The following HDAC2 variants were observed in gnomAD, a reference collection of about 807,000 sequenced individuals.
HDAC2 encodes the protein YY1-associated factor 1.
HDAC2 carries 5 observed loss-of-function variants against 68.5 expected under a neutral mutation model. The observed-to-expected ratio is 0.07, with a 90% CI of 0.04 to 0.15. HDAC2 has a LOEUF of 0.15. Among genes scored for constraint, HDAC2 ranks in the 10% least tolerant of loss-of-function variants. The pLI is 1.00. For synonymous variants in HDAC2, 182 were observed against 191.3 expected (o/e 0.95, Z 0.40); for missense variants, 291 against 600.8 (o/e 0.48, Z 5.39).
intron 12 of HDAC2, among the ~76,000 whole-genome samples, 196 bp from the exon 13 acceptor site, chr6:113,941,961 G>A (rs1327737055): frequency 1.3e-5 from 2 of 151,918 alleles, no homozygotes; most frequent in African/African-American, 4.8e-5. Context: ...CACTGGATTG[G>A]GGTGCAGAGG....
chr6:113,960,289 A>G (rs573100179), intron 1 of HDAC2, among the ~76,000 whole-genome samples: 2 of 152,060 alleles, frequency 1.3e-5, no homozygotes, highest in South Asian at 4.1e-4. Flanking sequence ...GCTACCCCCA[A>G]TTTTTAAAAT....
intron 3 of HDAC2, among the ~76,000 whole-genome samples, chr6:113,957,562 A>G (rs1776584967): frequency 6.6e-6 from 1 of 151,918 alleles, no homozygotes; most frequent in Admixed American, 6.6e-5. Flanking sequence ...GCTCACTGCA[A>G]CCTCCACCTC....
chr6:113,951,212 A>G (rs184710728), intron 6 of HDAC2, among the ~76,000 whole-genome samples: 41 of 152,278 alleles, frequency 2.7e-4, no homozygotes, highest in African/African-American at 8.7e-4. Context: ...TTCTTCCACT[A>G]GACTACTTGA....
rs1460503716 is a variant in HDAC2, at chr6:113,948,043, T to G, written c.841+936A>C. The G allele has an allele frequency of 2.0e-5, 3 of 152,154 alleles. No individual in the cohort carries two copies. The East Asian group carries it at 5.8e-4, about 29-fold the overall frequency. 9.4% of individuals were successfully genotyped at this position (152,154 alleles called of 1,614,324 possible). A position where few individuals can be genotyped will look rare whatever the true frequency, so the allele number is the denominator to read the frequency against. On this transcript the variant is annotated intron_variant, in intron 8 of 13. Transcript: ENST00000519065. Reference sequence around the variant, plus strand: ...TCTAATCTACATATACATTATAATATCTTATTAAATAAAATTTCAGATTTA... The same window carrying G: ...TCTAATCTACATATACATTATAATAGCTTATTAAATAAAATTTCAGATTTA...
At position 113,958,690 on chromosome 6, in the gene HDAC2, C is replaced by T. The variant is rs1334482992; in HGVS notation, c.242G>A (p.Arg81Lys). The T allele has an allele frequency of 6.2e-7, 1 of 1,606,500 alleles. No individual in the cohort carries two copies. Among genetic ancestry groups the T allele is most frequent in the Non-Finnish European group, 8.5e-7 (1 of 1,174,456 alleles). Residue 81 changes from arginine (R) to lysine (K), a missense_variant, in exon 3 of 14, where the codon AGA (arginine) becomes AAA (lysine). Around this residue, in one of 2 missense-constraint regions of HDAC2, gnomAD observed 154 missense variants for 472.1 expected, o/e 0.33. Coordinates refer to ENST00000519065, the MANE Select transcript of HDAC2 (RefSeq NM_001527.4). ...ACTATACTCAGACATGTTATCTGGT[C>T]TTATTGACCGTAGAAATTTGATATA... The part of the protein sequence containing the change: ...DEYIKFLRSI[R>K]PDNMSEYSKQ...
At chr6:113,941,633 C>T in intron 13 of HDAC2, 75 bp downstream of exon 13, 1 of 568,326 alleles carries the variant, frequency 1.8e-6, no homozygotes, top group Non-Finnish European at 3.0e-6. Context: ...GAAGTGTGTA[C>T]ACAAACACAC....
At chr6:113,966,452 T>G (rs528206181) in intron 1 of HDAC2, among the ~76,000 whole-genome samples, 1 of 151,282 alleles carries the variant, frequency 6.6e-6, no homozygotes, top group South Asian at 2.1e-4. Flanking sequence ...CTTGGGAGGC[T>G]GAGGCAAGAG....
At chr6:113,945,955 A>G in intron 9 of HDAC2, 53 bp downstream of exon 9, 2 of 1,374,764 alleles carry the variant, frequency 1.5e-6, no homozygotes, top group Non-Finnish European at 2.1e-6. Flanking sequence ...TAATTAGAGG[A>G]GCATCTGTAT....
intron 5 of HDAC2, among the ~76,000 whole-genome samples, chr6:113,954,682 C>T (rs1027942370): frequency 3.3e-5 from 5 of 152,204 alleles, no homozygotes; most frequent in African/African-American, 9.6e-5. Flanking sequence ...AGATGTTACA[C>T]TGATACTGCT....
intron 1 of HDAC2, chr6:113,969,627 C>T (rs1776926333): frequency 1.3e-5 from 2 of 152,108 alleles, no homozygotes; most frequent in Admixed American, 1.3e-4. Flanking sequence ...AACTATTTAC[C>T]AAGCCTTTGT....
At chr6:113,944,188 A>C (rs1205690607) in intron 11 of HDAC2, 92 bp downstream of exon 11, 3 of 1,096,814 alleles carry the variant, frequency 2.7e-6, no homozygotes, top group African/African-American at 3.1e-5. Context: ...TGTGCTCGTG[A>C]ACATGACTTT....
rs1419650263 is a variant in HDAC2 at position 113,938,668 on chromosome 6, T to A, written c.*2390A>T. 2 of 152,218 alleles carry A rather than the reference T, an allele frequency of 1.3e-5. No homozygotes were observed. The highest frequency in any genetic ancestry group is 3.8e-4 in the East Asian group (2 of 5,204). The allele number at this position is 152,218 out of a possible 1,614,324, so 9.4% of individuals were successfully genotyped here. ...TCATTTTTATCCTATATGAATTTTT[T>A]AAAGTATTAGGGTATTCTGACATCT... On this transcript the variant is annotated 3_prime_UTR_variant, in exon 14 of 14. Transcript: ENST00000519065.
intron 1 of HDAC2, chr6:113,970,434 G>C (rs576294693): frequency 1.8e-5 from 18 of 1,027,780 alleles, no homozygotes; most frequent in Non-Finnish European, 2.0e-5. Flanking sequence ...TTGCCTCGCG[G>C]GGGACGGGTC....
At chr6:113,968,213 T>C (rs181276979) in intron 1 of HDAC2, 4 of 152,294 alleles carry the variant, frequency 2.6e-5, no homozygotes, top group African/African-American at 9.6e-5. Context: ...TTTCACTCAC[T>C]TTCTTCCTTC....
Position 113,938,985 on chromosome 6 carries a change from C to T in HDAC2, c.*2073G>A, listed in dbSNP as rs1346483286. ...GAAGTGTACAATTTCAGTATGTTCA[C>T]ACAATGGAACATAATACATAGCAGT... On this transcript the variant is annotated 3_prime_UTR_variant, in exon 14 of 14. Coordinates refer to ENST00000519065, the MANE Select transcript of HDAC2 (RefSeq NM_001527.4). 1 of 152,152 alleles carries T rather than the reference C, an allele frequency of 6.6e-6. No individual in the cohort carries two copies. Among genetic ancestry groups the T allele is most frequent in the East Asian group, 1.9e-4 (1 of 5,198 alleles). The allele number at this position is 152,152 out of a possible 1,614,324, so 9.4% of individuals were successfully genotyped here. A position where few individuals can be genotyped will look rare whatever the true frequency, so the allele number is the denominator to read the frequency against.
In HDAC2 at chr6:113,971,084, C is replaced by T. The variant is rs1352354471; in HGVS notation, c.-176G>A. The T allele has an allele frequency of 2.6e-6, 4 of 1,551,294 alleles. No individual in the cohort carries two copies. Among genetic ancestry groups the T allele is most frequent in the East Asian group, 2.4e-5 (1 of 41,386 alleles). ...AGGGGGCGCCGGGAAGGCTCGGTAC[C>T]ACCCGGCAGAGGTGCCGAAAGCTCG... On this transcript the variant is annotated 5_prime_UTR_variant, in exon 1 of 14. Transcript: ENST00000519065.
chr6:113,944,432 T>A, intron 10 of HDAC2, 22 bp from the exon 11 acceptor site: 11 of 1,598,740 alleles, frequency 6.9e-6, no homozygotes, highest in Non-Finnish European at 9.4e-6. Flanking sequence ...ATGCAAAGTT[T>A]ATTAGACAAA....
intron 1 of HDAC2, chr6:113,969,941 A>C (rs2114627668): frequency 6.6e-6 from 1 of 152,358 alleles, no homozygotes; most frequent in African/African-American, 2.4e-5. Context: ...GATCGAACAA[A>C]GAGCAACAAA....
chr6:113,970,712 C>T, intron 1 of HDAC2, 145 bp downstream of exon 1: 1 of 1,394,428 alleles, frequency 7.2e-7, no homozygotes, highest in Non-Finnish European at 9.2e-7. Context: ...TCTAACTGTG[C>T]CGGGCCGGGA....
Sources: allele counts gnomAD v4.1 joint callset (sites outside exome capture counted in the v4.1 genomes callset), GRCh38; gene constraint gnomAD v4.1.1; regional missense constraint gnomAD v4.1.1; transcripts MANE v1.5; gene names NCBI Gene and HGNC (gene_info 2026-07-23, HGNC 2026-07-21).